GCFC2: variants seen among roughly 807,000 people sequenced by gnomAD.
The protein encoded by GCFC2 is intron Large complex component GCFC2.
Under a neutral mutation model 99.4 loss-of-function variants are expected in GCFC2, and 102 were observed. The ratio of observed to expected loss-of-function variants is 1.03; its 90% CI spans 0.87 to 1.21. The LOEUF is 1.21. Among genes scored for constraint, GCFC2 ranks in the 50% most tolerant of loss-of-function variants. The probability of loss-of-function intolerance (pLI) is 0.00; values close to 1 mark genes in which losing one functional copy is unlikely to be tolerated. For synonymous variants in GCFC2, 338 were observed against 316.8 expected, an observed-to-expected ratio of 1.07 and a Z score of -0.71; for missense variants, 973 against 920.9, an observed-to-expected ratio of 1.06 and a Z score of -0.73.
At position 75,680,245 on chromosome 2, in the gene GCFC2, A is replaced by G; in HGVS notation, c.1760T>C (p.Val587Ala). 6.2e-7 allele frequency: 1 copy of G among 1,603,700 alleles called. No homozygotes were observed. ...QTTSLITHCRVILEEHSTCEN... is the reference protein window; with the variant it reads ...QTTSLITHCRAILEEHSTCEN... Reference sequence around the variant, plus strand: ...ACAAGTGGAATGTTCTTCAAGAATCACTCTGCAATGTGTTATTAAACTTGT... The same window carrying G: ...ACAAGTGGAATGTTCTTCAAGAATCGCTCTGCAATGTGTTATTAAACTTGT... Residue 587 changes from valine (V) to alanine (A), a missense_variant, in exon 12 of 17, where the codon GTG becomes GCG. By Grantham distance (64) the Val-to-Ala change is moderately conservative. Coordinates refer to ENST00000321027, the MANE Select transcript of GCFC2 (RefSeq NM_003203.5).
intron 2 of GCFC2, among the ~76,000 whole-genome samples, chr2:75,705,204 T>A (rs1013830188): frequency 3.9e-5 from 6 of 152,156 alleles, no homozygotes; most frequent in Non-Finnish European, 8.8e-5. Flanking sequence ...GCTTCAACTG[T>A]TTACTAGATT....
chr2:75,680,182 G>A lies in GCFC2; in HGVS notation c.1812+11C>T, dbSNP rs766988701. Reference sequence around the variant, plus strand: ...ATAGATCATGGAGTTCGCAACTCTAGAAATTATTACCTGTCTGCTTTTACT... The same window carrying A: ...ATAGATCATGGAGTTCGCAACTCTAAAAATTATTACCTGTCTGCTTTTACT... On this transcript the variant is annotated intron_variant, in intron 12 of 16. Coordinates refer to ENST00000321027, the MANE Select transcript of GCFC2 (RefSeq NM_003203.5). 1.2e-4 allele frequency: 191 copies of A among 1,590,978 alleles called. 3 individuals carry two copies. The Admixed American group carries it at 2.5e-3, about 21-fold the overall frequency.
At chr2:75,679,981 A>AT in intron 12 of GCFC2, 1 of 474,412 alleles carries the variant, frequency 2.1e-6, no homozygotes, top group Non-Finnish European at 3.7e-6. Context: ...TATTATAAAG[A>AT]TAAAAAATAG....
chr2:75,707,075 T>G (rs1680905615), intron 1 of GCFC2, among the ~76,000 whole-genome samples: 1 of 152,218 alleles, frequency 6.6e-6, no homozygotes, highest in African/African-American at 2.4e-5. Flanking sequence ...GTAAATGCAA[T>G]TTCTGATGAG....
chr2:75,673,492 A>ATTC lies in GCFC2; in HGVS notation c.1838_1840dup (p.Arg613dup). ...AACATCATCTTCTACTGCCTTTTTC[A>ATTC]TTCTTGAAACAATGGATTTAAGTAA... On this transcript the variant is annotated inframe_insertion, in exon 13 of 17. Coordinates refer to ENST00000321027, the MANE Select transcript of GCFC2 (RefSeq NM_003203.5). 1 of 1,397,612 alleles carries ATTC rather than the reference A, an allele frequency of 7.2e-7. No homozygotes were observed. The highest frequency in any genetic ancestry group is 1.0e-6 in the Non-Finnish European group (1 of 982,802). The allele number at this position is 1,397,612 out of a possible 1,614,324, so 86.6% of individuals were successfully genotyped here.
chr2:75,703,948 C>T (rs897211863), intron 2 of GCFC2, among the ~76,000 whole-genome samples: 1 of 152,100 alleles, frequency 6.6e-6, no homozygotes, highest in East Asian at 1.9e-4. Context: ...ATTAGTAAGT[C>T]ACAAGCAATG....
At chr2:75,688,259 A>G (rs1406990990) in intron 10 of GCFC2, among the ~76,000 whole-genome samples, 1 of 152,134 alleles carries the variant, frequency 6.6e-6, no homozygotes, top group East Asian at 1.9e-4. Context: ...AGACCCTACC[A>G]CATGGCAAGT....
intron 4 of GCFC2, among the ~76,000 whole-genome samples, chr2:75,699,413 T>C (rs1288246609): frequency 6.6e-6 from 1 of 152,258 alleles, no homozygotes; most frequent in African/African-American, 2.4e-5. Context: ...ATGAGAAAGT[T>C]TGGGAATCTC....
upstream of GCFC2, among the ~76,000 whole-genome samples, chr2:75,712,524 C>T (rs1681229320): frequency 6.6e-6 from 1 of 152,124 alleles, no homozygotes; most frequent in African/African-American, 2.4e-5. Flanking sequence ...GTGGGTGGGG[C>T]CAGATAAGAG....
At chr2:75,697,897 C>T (rs1420658986) in intron 4 of GCFC2, 3 of 152,280 alleles carry the variant, frequency 2.0e-5, no homozygotes, top group Admixed American at 2.0e-4. Context: ...GGAATGGATT[C>T]TCCTACAGAG....
chr2:75,670,275 T>C lies in GCFC2; in HGVS notation c.1966A>G (p.Asn656Asp), dbSNP rs1679036773. 1 of 1,600,250 alleles carries C rather than the reference T, an allele frequency of 6.2e-7. No homozygotes were observed. The highest frequency in any genetic ancestry group is 8.6e-7 in the Non-Finnish European group (1 of 1,167,924). The change falls in exon 15 of 17, where the codon AAT becomes GAT. Residue 656 changes from asparagine to aspartate, a missense_variant. Coordinates refer to ENST00000321027, the MANE Select transcript of GCFC2 (RefSeq NM_003203.5). ...AGGAGTCCATTCCAAAGAAGAATATTGCGGAAGAGCTAAAATAAAATATCA... is the reference window on the plus strand; with the variant it reads ...AGGAGTCCATTCCAAAGAAGAATATCGCGGAAGAGCTAAAATAAAATATCA... ...QFWSGLKLFR[N>D]ILLWNGLLTD...
At position 75,673,528 on chromosome 2, in the gene GCFC2, T is replaced by G; in HGVS notation, c.1813-8A>C. On this transcript the variant is annotated splice_region_variant and splice_polypyrimidine_tract_variant and intron_variant, in intron 12 of 16. Coordinates refer to ENST00000321027, the MANE Select transcript of GCFC2 (RefSeq NM_003203.5). ...AATGGATTTAAGTAAATCCTATTAT[T>G]ACAAATTTGAAAAGCATCAGTGATA... is the stretch of plus-strand genomic sequence containing the variant. 8.8e-7 allele frequency: 1 copy of G among 1,140,910 alleles called. No individual in the cohort carries two copies. The highest frequency in any genetic ancestry group is 1.3e-5 in the South Asian group (1 of 79,630). The allele number at this position is 1,140,910 out of a possible 1,614,324, so 70.7% of individuals were successfully genotyped here. A position where few individuals can be genotyped will look rare whatever the true frequency, so the allele number is the denominator to read the frequency against.
rs73939115 is a variant in GCFC2, at chr2:75,708,405, G to A, written c.266-1754C>T. Among the ~76,000 whole-genome samples, 1,034 of 149,718 alleles carry A rather than the reference G, an allele frequency of 6.9e-3. 8 individuals are homozygous for A. Among genetic ancestry groups the A allele is most frequent in the African/African-American group, 0.024 (988 of 40,758 alleles). On this transcript the variant is annotated intron_variant, in intron 1 of 16. Transcript: ENST00000321027. Reference sequence around the variant, plus strand: ...CAAATAATGCAAGATGTTACCAATCGTTCATGAGTAAAAGATCCAAAGTAC... The same window carrying A: ...CAAATAATGCAAGATGTTACCAATCATTCATGAGTAAAAGATCCAAAGTAC...
At chr2:75,675,296 A>T (rs1679283531) in intron 12 of GCFC2, among the ~76,000 whole-genome samples, 1 of 152,238 alleles carries the variant, frequency 6.6e-6, no homozygotes, top group Non-Finnish European at 1.5e-5. Flanking sequence ...TTGTATGTAT[A>T]TATTTAAAAT....
chr2:75,688,692 C>T (rs1679922946), intron 10 of GCFC2, among the ~76,000 whole-genome samples: 1 of 152,102 alleles, frequency 6.6e-6, no homozygotes, highest in African/African-American at 2.4e-5. Context: ...ATGTCATCTC[C>T]AACTTAAGAA....
chr2:75,675,481 G>T (rs1182044895), intron 12 of GCFC2, among the ~76,000 whole-genome samples: 5 of 152,060 alleles, frequency 3.3e-5, no homozygotes, highest in Admixed American at 1.3e-4. Context: ...CGTGGCTCAT[G>T]CCTGTAATCC....
chr2:75,664,422 A>G lies in GCFC2; in HGVS notation c.*244T>C. ...TTGAAAGACCAGCCAAAAGAATCAA[A>G]GGGAAACACGTTGAGCTCTTAAAGC... On this transcript the variant is annotated 3_prime_UTR_variant, in exon 17 of 17. Coordinates refer to ENST00000321027, the MANE Select transcript of GCFC2 (RefSeq NM_003203.5). 4.1e-6 allele frequency: 1 copy of G among 246,528 alleles called. No homozygotes were observed. The highest frequency in any genetic ancestry group is 7.7e-6 in the Non-Finnish European group (1 of 130,120). 15.3% of individuals were successfully genotyped at this position (246,528 alleles called of 1,614,324 possible).
At chr2:75,692,239 T>C in intron 6 of GCFC2, 139 bp from the exon 7 acceptor site, 1 of 264,392 alleles carries the variant, frequency 3.8e-6, no homozygotes, top group Admixed American at 5.2e-5. Flanking sequence ...TTCCCAATAC[T>C]ATCACATCTG....
intron 13 of GCFC2, among the ~76,000 whole-genome samples, chr2:75,673,166 C>T (rs567238658): frequency 1.4e-4 from 22 of 152,044 alleles, no homozygotes; most frequent in African/African-American, 4.8e-4. Flanking sequence ...AAAAATTAGC[C>T]GGGCGTGGTG....
Sources: gnomAD v4.1 joint callset for allele counts (sites outside exome capture counted in the v4.1 genomes callset) on GRCh38, gnomAD v4.1.1 for gene constraint, MANE v1.5 for transcripts, NCBI Gene and HGNC (gene_info 2026-07-23, HGNC 2026-07-21) for gene names.